The following HERC2 variants were observed in gnomAD, a reference collection of about 807,000 sequenced individuals.
HERC2 encodes HECT and RLD domain containing E3 ubiquitin protein ligase 2, also known as E3 ubiquitin-protein ligase HERC2.
In HERC2, 102 loss-of-function variants were observed where a neutral mutation model predicts 537.7. That is an observed-to-expected ratio of 0.19 (90% CI 0.16 to 0.22). The LOEUF is 0.22. Among genes scored for constraint, HERC2 ranks in the 10% least tolerant of loss-of-function variants. HERC2 has a pLI of 1.00. For synonymous variants in HERC2, 2,224 were observed against 2,466.2 expected (o/e 0.90, Z 2.91); for missense variants, 4,236 against 6,198.2 (o/e 0.68, Z 10.63).
In HERC2 at chr15:28,177,075, C is replaced by A; in HGVS notation, c.9307G>T (p.Asp3103Tyr). Residue 3103 changes from aspartate (D) to tyrosine (Y), a missense_variant, in exon 61 of 93, where the codon GAT becomes TAT. Physicochemically the swap from Asp to Tyr is radical, Grantham distance 160 (BLOSUM62 -3). Transcript: ENST00000261609. The surrounding 1 kb of genome is among the most constrained non-coding windows in gnomAD (Gnocchi z 5.0). The stretch of plus-strand genomic sequence containing the variant: ...CTGTGCGAGCTCCCACAGGCGATAT[C>A]CCGGATACGCTTGGTTTTCAGGGCC... Reference protein sequence around the residue: ...IEALKTKRIRDIACGSSHSAA... With the variant: ...IEALKTKRIRYIACGSSHSAA... 1.2e-6 allele frequency: 2 copies of A among 1,613,884 alleles called. No individual in the cohort carries two copies. The highest frequency in any genetic ancestry group is 1.7e-6 in the Non-Finnish European group (2 of 1,179,794).
intron 44 of HERC2, among the ~76,000 whole-genome samples, chr15:28,210,282 C>T (rs554272152): frequency 3.7e-4 from 56 of 152,170 alleles, no homozygotes; most frequent in Middle Eastern, 6.8e-3. Context: ...TACAGGCGTC[C>T]GCCACCGTGC....
intron 83 of HERC2, among the ~76,000 whole-genome samples, chr15:28,126,107 C>T (rs1051635259): frequency 2.6e-5 from 4 of 152,108 alleles, no homozygotes; most frequent in African/African-American, 7.2e-5. Context: ...CACCTCACTC[C>T]TGCAAGAATG....
At chr15:28,123,856 T>G (rs1889187769) in intron 85 of HERC2, among the ~76,000 whole-genome samples, 181 bp downstream of exon 85, 1 of 152,236 alleles carries the variant, frequency 6.6e-6, no homozygotes, top group Admixed American at 6.5e-5. Context: ...GAACAGATTT[T>G]TGTCTGTTTT....
intron 3 of HERC2, among the ~76,000 whole-genome samples, chr15:28,298,121 C>G (rs2076519840): frequency 1.3e-5 from 2 of 150,120 alleles, no homozygotes; most frequent in African/African-American, 4.9e-5. Context: ...AAAAGGGAGA[C>G]TAATACTTTT....
At chr15:28,301,060 T>C (rs1365999826) in intron 2 of HERC2, among the ~76,000 whole-genome samples, 1 of 151,566 alleles carries the variant, frequency 6.6e-6, no homozygotes, top group Non-Finnish European at 1.5e-5. Flanking sequence ...CTAGGGAAAA[T>C]AAGTAGATTC....
chr15:28,125,994 C>G (rs551028652), intron 83 of HERC2, among the ~76,000 whole-genome samples: 14 of 152,270 alleles, frequency 9.2e-5, no homozygotes, highest in Non-Finnish European at 1.6e-4. Flanking sequence ...GTATTTTTAG[C>G]AGAGACAGGG....
chr15:28,262,797 T>C, intron 15 of HERC2, 121 bp downstream of exon 15: 1 of 1,040,580 alleles, frequency 9.6e-7, no homozygotes, highest in Non-Finnish European at 1.4e-6. Context: ...GAATGTCAGG[T>C]TAAGAACATA....
At chr15:28,267,320 T>C (rs2075596087) in intron 12 of HERC2, among the ~76,000 whole-genome samples, 1 of 152,224 alleles carries the variant, frequency 6.6e-6, no homozygotes, top group South Asian at 2.1e-4. Flanking sequence ...TCATCTCTCT[T>C]CCTTCCTTGA....
At chr15:28,279,622 C>A (rs943267025) in intron 5 of HERC2, among the ~76,000 whole-genome samples, 3 of 149,904 alleles carry the variant, frequency 2.0e-5, no homozygotes, top group Non-Finnish European at 4.4e-5. Flanking sequence ...TCTCCACACA[C>A]ACACACACAC....
At chr15:28,139,606 A>G (rs1890987391) in intron 78 of HERC2, among the ~76,000 whole-genome samples, 1 of 152,248 alleles carries the variant, frequency 6.6e-6, no homozygotes, top group African/African-American at 2.4e-5. Context: ...AGTACATTAC[A>G]TGAGAGTATC....
At chr15:28,280,430 T>C (rs1274473913) in intron 4 of HERC2, 143 bp from the exon 5 acceptor site, 1 of 656,210 alleles carries the variant, frequency 1.5e-6, no homozygotes, top group Non-Finnish European at 2.6e-6. Context: ...TTTACACACA[T>C]GAGCTCAGGC....
intron 68 of HERC2, among the ~76,000 whole-genome samples, chr15:28,166,943 A>C (rs993413770): frequency 1.6e-4 from 25 of 152,380 alleles, no homozygotes; most frequent in Admixed American, 1.6e-3. Context: ...ACAGGTAGGT[A>C]GGTAGGTAGA....
chr15:28,247,285 C>T (rs1189724123), intron 21 of HERC2, among the ~76,000 whole-genome samples: 2 of 151,752 alleles, frequency 1.3e-5, no homozygotes, highest in Admixed American at 6.6e-5. Flanking sequence ...CATGCACTAC[C>T]ACACCCAGCT....
intron 2 of HERC2, among the ~76,000 whole-genome samples, chr15:28,301,882 C>CT (rs2141215708): frequency 6.8e-6 from 1 of 147,754 alleles, no homozygotes; most frequent in African/African-American, 2.5e-5. Flanking sequence ...TCACTGCAAC[C>CT]TTTGCCTTTT....
intron 65 of HERC2, among the ~76,000 whole-genome samples, chr15:28,171,214 T>C (rs1454400076): frequency 6.6e-6 from 1 of 152,208 alleles, no homozygotes; most frequent in Non-Finnish European, 1.5e-5. Context: ...TTTGTAATAG[T>C]CAAAACCTAG....
rs745551191 is a variant in HERC2, at chr15:28,263,193, A to G, written c.1871-24T>C. The stretch of plus-strand genomic sequence containing the variant: ...CCCTAAAAAATACAAATGCATTTAA[A>G]TAACAACAACTCTGCATTTTAACGA... On this transcript the variant is annotated intron_variant, in intron 14 of 92. Coordinates refer to ENST00000261609, the MANE Select transcript of HERC2 (RefSeq NM_004667.6). 6.3e-6 allele frequency: 10 copies of G among 1,594,316 alleles called. No homozygotes were observed. In the Admixed American group the frequency reaches 6.9e-5, roughly 11 times the overall value.
At chr15:28,118,459 C>G (rs1888519996) in intron 86 of HERC2, 1 of 152,204 alleles carries the variant, frequency 6.6e-6, no homozygotes, top group African/African-American at 2.4e-5. Context: ...ATCTGAATTC[C>G]CTAAATTTTC....
chr15:28,257,577 T>G (rs919720248), intron 16 of HERC2, among the ~76,000 whole-genome samples: 4 of 152,154 alleles, frequency 2.6e-5, no homozygotes, highest in African/African-American at 9.7e-5. Context: ...AGTGGTATAA[T>G]AGCAACTCTA....
intron 5 of HERC2, among the ~76,000 whole-genome samples, chr15:28,277,935 T>C (rs894070950): frequency 6.6e-6 from 1 of 152,066 alleles, no homozygotes. Flanking sequence ...TATTTGCATA[T>C]AACCTGTGCA....
Sources: gnomAD v4.1 joint callset for allele counts (sites outside exome capture counted in the v4.1 genomes callset) on GRCh38, gnomAD v4.1.1 for gene constraint, Gnocchi (gnomAD v3.1) non-coding constraint, MANE v1.5 for transcripts, NCBI Gene and HGNC (gene_info 2026-07-23, HGNC 2026-07-21) for gene names.